Variants in CTNNA2 observed in about 807,000 individuals in gnomAD.
CTNNA2 encodes catenin alpha 2.
CTNNA2 carries 42 observed loss-of-function variants against 101.0 expected under a neutral mutation model. The ratio of observed to expected loss-of-function variants is 0.42; its 90% CI spans 0.32 to 0.54. CTNNA2 has a LOEUF of 0.54. CTNNA2 is among the 20% of genes least tolerant of loss of function. The pLI, the probability that CTNNA2 is intolerant of heterozygous loss-of-function variation, is 0.14. For synonymous variants in CTNNA2, 450 were observed against 456.4 expected (o/e 0.99, Z 0.18); for missense variants, 871 against 1,223.1 (o/e 0.71, Z 4.29).
chr2:79,233,264 C>T (rs984609381), intron 2 of CTNNA2, among the ~76,000 whole-genome samples: 2 of 152,092 alleles, frequency 1.3e-5, no homozygotes, highest in African/African-American at 4.8e-5. Flanking sequence ...TCTCTATATT[C>T]ATTAATTTCA....
At chr2:79,535,390 G>A (rs950433824) in intron 1 of CTNNA2, among the ~76,000 whole-genome samples, 4 of 151,742 alleles carry the variant, frequency 2.6e-5, no homozygotes, top group Non-Finnish European at 4.4e-5. Flanking sequence ...ATTTTTAGTA[G>A]AGACAGGGTT....
chr2:79,724,116 A>T (rs1686661139), intron 2 of CTNNA2, among the ~76,000 whole-genome samples: 1 of 152,176 alleles, frequency 6.6e-6, no homozygotes, highest in Non-Finnish European at 1.5e-5. Context: ...TGGTTTCACC[A>T]GCCAAATGTG....
intron 7 of CTNNA2, among the ~76,000 whole-genome samples, chr2:80,030,733 G>C (rs1053815716): frequency 6.6e-6 from 1 of 152,084 alleles, no homozygotes; most frequent in Non-Finnish European, 1.5e-5. Context: ...TAATGGACTG[G>C]GAAGAATCAT....
intron 4 of CTNNA2, among the ~76,000 whole-genome samples, chr2:79,461,501 G>T (rs541501531): frequency 6.6e-6 from 1 of 152,220 alleles, no homozygotes; most frequent in African/African-American, 2.4e-5. Context: ...CACCGTGTTT[G>T]GGAGTCCTTG....
At position 79,244,111 on chromosome 2, in the gene CTNNA2, C is replaced by G. The variant is rs575135488; in HGVS notation, c.-406+46035C>G. Among the ~76,000 whole-genome samples the G allele has an allele frequency of 3.9e-5, 6 of 152,230 alleles. No individual in the cohort carries two copies. The South Asian group carries it at 1.2e-3, about 32-fold the overall frequency. ...TTCCTTATGTTGGGGAATTACTCAC[C>G]TACTCTGGGCCTCATCTTCTTTGTG... On this transcript the variant is annotated intron_variant, in intron 2 of 21. Transcript: ENST00000466387.
intron 7 of CTNNA2, among the ~76,000 whole-genome samples, chr2:80,256,625 A>G (rs1273506050): frequency 6.6e-6 from 1 of 152,108 alleles, no homozygotes. Context: ...CCAGCCCTAG[A>G]AAGCGGTCAT....
At chr2:79,749,287 A>G (rs1424359828) in intron 3 of CTNNA2, among the ~76,000 whole-genome samples, 1 of 152,170 alleles carries the variant, frequency 6.6e-6, no homozygotes, top group Admixed American at 6.6e-5. Context: ...TTCTCGGAGT[A>G]TGCGTAAGTT....
At chr2:79,873,402 T>TATAGC (rs1177172832) in intron 5 of CTNNA2, among the ~76,000 whole-genome samples, 7 of 152,200 alleles carry the variant, frequency 4.6e-5, no homozygotes, top group African/African-American at 1.7e-4. Context: ...CTGCTGTCAT[T>TATAGC]AGAGGTACGT....
intron 7 of CTNNA2, chr2:80,305,317 C>A (rs1676823616): frequency 2.0e-6 from 2 of 985,178 alleles, no homozygotes; most frequent in African/African-American, 1.7e-5. Flanking sequence ...TCCAGTGTGG[C>A]AAAAAGGTAT....
At chr2:79,550,318 G>C (rs1007684592) in intron 1 of CTNNA2, among the ~76,000 whole-genome samples, 1 of 152,146 alleles carries the variant, frequency 6.6e-6, no homozygotes, top group Non-Finnish European at 1.5e-5. Flanking sequence ...GTCACTGGAT[G>C]CTGTGTTTCC....
chr2:80,195,766 C>T (rs1339390005), intron 7 of CTNNA2, among the ~76,000 whole-genome samples: 1 of 152,108 alleles, frequency 6.6e-6, no homozygotes, highest in African/African-American at 2.4e-5. Flanking sequence ...AAAGACATTG[C>T]TCATTATCTT....
chr2:80,606,413 C>CA (rs879377276), intron 16 of CTNNA2, among the ~76,000 whole-genome samples: 7,460 of 48,170 alleles, frequency 0.15, 284 homozygotes, highest in African/African-American at 0.36. Context: ...CACACACACA[C>CA]CCCCCAGGAT....
rs1324123073 is a variant in CTNNA2, at chr2:79,706,243, G to A, written c.103-38144G>A. ...GCGGGCGTGGTGGCGGGCGCCTGTA[G>A]TCCCAGCTTCTCGGGAGGCTGAGGC... is the stretch of plus-strand genomic sequence containing the variant. On this transcript the variant is annotated intron_variant, in intron 2 of 18. Coordinates refer to ENST00000402739, the MANE Select transcript of CTNNA2 (RefSeq NM_001282597.3). Among the ~76,000 whole-genome samples the A allele has an allele frequency of 7.9e-5, 12 of 151,660 alleles. No individual in the cohort carries two copies. The East Asian group carries it at 1.6e-3, about 20-fold the overall frequency.
chr2:80,189,805 C>G (rs1229471542), intron 7 of CTNNA2, among the ~76,000 whole-genome samples: 1 of 151,774 alleles, frequency 6.6e-6, no homozygotes, highest in Non-Finnish European at 1.5e-5. Context: ...AAATATTTCC[C>G]CATAAGAAAA....
In CTNNA2 at chr2:79,657,502, G is replaced by T. The variant is rs936760164; in HGVS notation, c.102+5844G>T. 2.0e-5 allele frequency among the ~76,000 whole-genome samples: 3 copies of T among 152,002 alleles called. No homozygotes were observed. In the East Asian group the frequency reaches 5.8e-4, roughly 29 times the overall value. On this transcript the variant is annotated intron_variant, in intron 2 of 18. Transcript: ENST00000402739. ...TTTAGTTGAATATTACCAGACGCTTGTAGCGCTGATATTCCAGTGTTCTTT... is the reference window on the plus strand; with the variant it reads ...TTTAGTTGAATATTACCAGACGCTTTTAGCGCTGATATTCCAGTGTTCTTT...
chr2:80,624,407 T>C lies in CTNNA2; in HGVS notation c.2574+5179T>C, dbSNP rs7569195. Reference sequence around the variant, plus strand: ...ATTCTTTGTTGTTTGTTTTTCTTTTTTTCGTGAACAACAGCTGTTACCTTA... The same window carrying C: ...ATTCTTTGTTGTTTGTTTTTCTTTTCTTCGTGAACAACAGCTGTTACCTTA... On this transcript the variant is annotated intron_variant, in intron 18 of 18. Transcript: ENST00000402739. Among the ~76,000 whole-genome samples the C allele has an allele frequency of 5.1e-3, 778 of 152,104 alleles. 5 individuals carry two copies. Among genetic ancestry groups the C allele is most frequent in the African/African-American group, 0.018 (752 of 41,524 alleles).
chr2:80,508,215 C>T (rs1688422438), intron 9 of CTNNA2, among the ~76,000 whole-genome samples: 1 of 152,150 alleles, frequency 6.6e-6, no homozygotes, highest in South Asian at 2.1e-4. Flanking sequence ...GCCCGTAATT[C>T]TAGCACTTTG....
intron 4 of CTNNA2, among the ~76,000 whole-genome samples, chr2:79,405,645 A>G (rs973578902): frequency 1.3e-5 from 2 of 151,614 alleles, no homozygotes; most frequent in Non-Finnish European, 2.9e-5. Flanking sequence ...TTTTTTCCCC[A>G]TTTTTCATTG....
At chr2:80,180,291 T>C (rs1412353466) in intron 7 of CTNNA2, among the ~76,000 whole-genome samples, 1 of 152,214 alleles carries the variant, frequency 6.6e-6, no homozygotes, top group Non-Finnish European at 1.5e-5. Context: ...TGAGACACCA[T>C]GATTCTCTAT....
Sources: allele counts gnomAD v4.1 joint callset (sites outside exome capture counted in the v4.1 genomes callset), GRCh38; gene constraint gnomAD v4.1.1; transcripts MANE v1.5; gene names NCBI Gene and HGNC (gene_info 2026-07-23, HGNC 2026-07-21).